PGS1: variants seen among roughly 807,000 people sequenced by gnomAD.
PGS1 encodes the protein phosphatidylglycerophosphate synthase 1.
In PGS1, 44 loss-of-function variants were observed where a neutral mutation model predicts 58.3. The ratio of observed to expected loss-of-function variants is 0.75; its 90% CI spans 0.59 to 0.97. The LOEUF (loss-of-function observed/expected upper bound fraction) is 0.97, where lower values mean the gene tolerates loss of function less well. Among genes scored for constraint, PGS1 ranks in the 50% least tolerant of loss-of-function variants. PGS1 has a pLI of 0.00. For missense variants in PGS1, 684 were observed against 731.1 expected, an observed-to-expected ratio of 0.94 and a Z score of 0.74; for synonymous variants, 330 against 311.0, an observed-to-expected ratio of 1.06 and a Z score of -0.64.
At chr17:78,383,156 G>A (rs2082152968) in intron 1 of PGS1, among the ~76,000 whole-genome samples, 1 of 152,150 alleles carries the variant, frequency 6.6e-6, no homozygotes, top group African/African-American at 2.4e-5. Flanking sequence ...GAGCTTGTGA[G>A]TGTGTGTGTT....
At position 78,400,708 on chromosome 17, in the gene PGS1, C is replaced by T. The variant is rs778126325; in HGVS notation, c.733C>T (p.Arg245Cys). 5.6e-6 allele frequency: 9 copies of T among 1,614,018 alleles called. No homozygotes were observed. Among genetic ancestry groups the T allele is most frequent in the South Asian group, 2.2e-5 (2 of 91,078 alleles). ...ANLSDSYFTNRQDRYVFLQDC... is the reference protein window; with the variant it reads ...ANLSDSYFTNCQDRYVFLQDC... ...CCTGAGTGACTCCTACTTCACCAAC[C>T]GCCAGGACCGCTACGTGTTCCTGCA... is the stretch of plus-strand genomic sequence containing the variant. The change falls in exon 6 of 10, where the codon CGC becomes TGC. Residue 245 changes from arginine to cysteine, a missense_variant. Arg to Cys is a radical substitution (Grantham distance 180, BLOSUM62 -3). Coordinates refer to ENST00000262764, the MANE Select transcript of PGS1 (RefSeq NM_024419.5). This position sits in a 1 kb window ranked among gnomAD's most constrained non-coding sequence, Gnocchi z 4.4.
chr17:78,384,997 A>T (rs2082280193), intron 1 of PGS1, among the ~76,000 whole-genome samples: 1 of 152,250 alleles, frequency 6.6e-6, no homozygotes, highest in South Asian at 2.1e-4. Flanking sequence ...ACACGCGCTG[A>T]GGAGAAAGGC....
chr17:78,390,659 C>CCTG (rs1280537368), intron 1 of PGS1, among the ~76,000 whole-genome samples: 1 of 152,206 alleles, frequency 6.6e-6, no homozygotes, highest in African/African-American at 2.4e-5. Context: ...AGAGGATTTT[C>CCTG]CTGCTGCTGT....
intron 1 of PGS1, among the ~76,000 whole-genome samples, chr17:78,383,788 C>T (rs117765887): frequency 0.014 from 2,106 of 152,292 alleles, 20 homozygotes; most frequent in Non-Finnish European, 0.022. Context: ...AGATTTACAA[C>T]GGACTGACTT....
chr17:78,410,627 G>C (rs952317661), intron 7 of PGS1, among the ~76,000 whole-genome samples: 1 of 151,764 alleles, frequency 6.6e-6, no homozygotes, highest in Non-Finnish European at 1.5e-5. Flanking sequence ...GCACGCACCA[G>C]AATGCCCAGC....
intron 1 of PGS1, among the ~76,000 whole-genome samples, chr17:78,388,660 A>C (rs2082583055): frequency 6.6e-6 from 1 of 151,990 alleles, no homozygotes; most frequent in Non-Finnish European, 1.5e-5. Context: ...TCTTCTGCTT[A>C]CGTCCCTTCA....
chr17:78,411,576 C>T (rs189580783), intron 7 of PGS1, among the ~76,000 whole-genome samples: 1 of 152,222 alleles, frequency 6.6e-6, no homozygotes, highest in Non-Finnish European at 1.5e-5. Context: ...CAGTCAGTCC[C>T]TTCCCAAAAG....
chr17:78,402,783 A>G (rs1191424625), intron 6 of PGS1, among the ~76,000 whole-genome samples: 1 of 151,724 alleles, frequency 6.6e-6, no homozygotes, highest in Non-Finnish European at 1.5e-5. Flanking sequence ...GCTTCCCTAT[A>G]CTGTATTCTT....
rs561017342 is a variant in PGS1, at chr17:78,401,083, A to G, written c.880+228A>G. ...GTGGGAGCTTGGGCTTGGGACTCCT[A>G]CTCCTTGAGGCGGAGTCACTCAGGT... On this transcript the variant is annotated intron_variant, in intron 6 of 9. Coordinates refer to ENST00000262764, the MANE Select transcript of PGS1 (RefSeq NM_024419.5). Among the ~76,000 whole-genome samples the G allele has an allele frequency of 3.3e-5, 5 of 151,684 alleles. No homozygotes were observed. In the East Asian group the frequency reaches 5.8e-4, roughly 18 times the overall value.
chr17:78,389,293 C>G (rs1158481312), intron 1 of PGS1, among the ~76,000 whole-genome samples: 1 of 151,220 alleles, frequency 6.6e-6, no homozygotes, highest in African/African-American at 2.4e-5. Flanking sequence ...TCGAGTGATT[C>G]TTCTGCCTCA....
chr17:78,414,601 C>T (rs555851951), intron 7 of PGS1, among the ~76,000 whole-genome samples: 4 of 152,120 alleles, frequency 2.6e-5, no homozygotes, highest in Admixed American at 1.3e-4. Context: ...GCCTGCTTCT[C>T]GTCCTGCTTG....
chr17:78,403,028 G>A (rs981258066), intron 6 of PGS1, among the ~76,000 whole-genome samples: 3 of 152,236 alleles, frequency 2.0e-5, no homozygotes, highest in East Asian at 1.9e-4. Context: ...ACATGGTGAT[G>A]TGCTTATCCA....
intron 7 of PGS1, among the ~76,000 whole-genome samples, chr17:78,409,035 C>G (rs375752636): frequency 6.6e-6 from 1 of 152,188 alleles, no homozygotes; most frequent in South Asian, 2.1e-4. Context: ...AAGCTCGCTT[C>G]GAGGTCTTGA....
intron 1 of PGS1, among the ~76,000 whole-genome samples, chr17:78,387,238 A>G (rs62075738): frequency 0.15 from 22,891 of 151,714 alleles, 2,030 homozygotes; most frequent in African/African-American, 0.25. Context: ...TCCTGGCCTC[A>G]GGTGATCTGA....
chr17:78,424,200 A>AGG lies in PGS1; in HGVS notation c.*152_*153dup. On this transcript the variant is annotated 3_prime_UTR_variant, in exon 10 of 10. Transcript: ENST00000262764. ...GGGTCAGGTGTGCTGCCAGTAAGTGAGGGAGGGGCTGGCAGGAAGGGTGGG... is the reference window on the plus strand; with the variant it reads ...GGGTCAGGTGTGCTGCCAGTAAGTGAGGGGGAGGGGCTGGCAGGAAGGGTGGG... 1 of 1,567,060 alleles carries AGG rather than the reference A, an allele frequency of 6.4e-7. No homozygotes were observed. Among genetic ancestry groups the AGG allele is most frequent in the Non-Finnish European group, 8.6e-7 (1 of 1,157,920 alleles).
At chr17:78,404,736 C>T (rs147489162) in intron 7 of PGS1, among the ~76,000 whole-genome samples, 67 of 152,262 alleles carry the variant, frequency 4.4e-4, no homozygotes, top group African/African-American at 1.4e-3. Flanking sequence ...TCTTGGCTCA[C>T]CGCAACCTCC....
intron 6 of PGS1, among the ~76,000 whole-genome samples, chr17:78,401,774 A>T (rs904478242): frequency 6.6e-6 from 1 of 152,138 alleles, no homozygotes; most frequent in Non-Finnish European, 1.5e-5. Flanking sequence ...TTCATCTGTA[A>T]AGAGCTTGTG....
chr17:78,410,834 G>A (rs1450672893), intron 7 of PGS1, among the ~76,000 whole-genome samples: 1 of 152,018 alleles, frequency 6.6e-6, no homozygotes, highest in African/African-American at 2.4e-5. Flanking sequence ...CTCTCAGTTT[G>A]TTTATTTCAT....
At chr17:78,379,580 C>T (rs957324506) in intron 1 of PGS1, among the ~76,000 whole-genome samples, 4 of 152,074 alleles carry the variant, frequency 2.6e-5, no homozygotes, top group South Asian at 2.1e-4. Context: ...AATTCCAGCA[C>T]TTTGGGAGGC....
Sources: allele counts gnomAD v4.1 joint callset (sites outside exome capture counted in the v4.1 genomes callset), GRCh38; gene constraint gnomAD v4.1.1; non-coding constraint Gnocchi (gnomAD v3.1); transcripts MANE v1.5; gene names NCBI Gene and HGNC (gene_info 2026-07-23, HGNC 2026-07-21).